AFF2: variants seen among roughly 807,000 people sequenced by gnomAD.
The protein encoded by AFF2 is AF4/FMR2 family member 2.
In AFF2, 14 loss-of-function variants were observed where a neutral mutation model predicts 76.9. The ratio of observed to expected loss-of-function variants is 0.18; its 90% CI spans 0.12 to 0.28. AFF2 has a LOEUF of 0.28. AFF2 is among the 10% of genes least tolerant of loss of function. The pLI, the probability that AFF2 is intolerant of heterozygous loss-of-function variation, is 1.00. For missense variants in AFF2, 868 were observed against 1,001.1 expected, an observed-to-expected ratio of 0.87 and a Z score of 1.79; for synonymous variants, 398 against 366.7, an observed-to-expected ratio of 1.09 and a Z score of -0.98.
intron 9 of AFF2, among the ~76,000 whole-genome samples, chrX:148,906,304 C>A (rs782390276): frequency 8.9e-6 from 1 of 112,128 alleles, no homozygotes; most frequent in Admixed American, 9.4e-5. Flanking sequence ...CACAACCCTA[C>A]TATGCCCCCA....
At chrX:148,598,894 A>T (rs1376858744) in intron 1 of AFF2, among the ~76,000 whole-genome samples, 1 of 112,809 alleles carries the variant, frequency 8.9e-6, no homozygotes, top group Non-Finnish European at 1.9e-5. Context: ...TGCCTAAAAC[A>T]ATCAGATTTA....
intron 1 of AFF2, among the ~76,000 whole-genome samples, chrX:148,618,067 T>A (rs2053831064): frequency 1.8e-5 from 2 of 111,785 alleles, no homozygotes; most frequent in Non-Finnish European, 3.8e-5. Flanking sequence ...TATGTATGAA[T>A]ATCTATAGTT....
chrX:148,532,580 A>T (rs1282935236), intron 1 of AFF2, among the ~76,000 whole-genome samples: 2 of 112,672 alleles, frequency 1.8e-5, no homozygotes, highest in Non-Finnish European at 3.8e-5. Flanking sequence ...AAACAGACAA[A>T]TAAGATAAAG....
intron 7 of AFF2, among the ~76,000 whole-genome samples, chrX:148,868,601 G>C (rs1044811144): frequency 6.3e-5 from 7 of 111,941 alleles, no homozygotes; most frequent in Non-Finnish European, 1.3e-4. Context: ...TTGGATAGGT[G>C]GTAATACAAT....
At chrX:148,808,184 T>C (rs2070161184) in intron 3 of AFF2, among the ~76,000 whole-genome samples, 2 of 111,924 alleles carry the variant, frequency 1.8e-5, no homozygotes, top group African/African-American at 6.5e-5. Flanking sequence ...GTCCATGGGA[T>C]GGTCACCTTT....
chrX:148,574,253 C>T (rs2053261323), intron 1 of AFF2, among the ~76,000 whole-genome samples: 3 of 111,271 alleles, frequency 2.7e-5, no homozygotes, highest in African/African-American at 9.8e-5. Context: ...ATAGTCAATT[C>T]CCACCAATCC....
chrX:148,922,054 T>G (rs1180131486), intron 9 of AFF2, among the ~76,000 whole-genome samples: 1 of 112,253 alleles, frequency 8.9e-6, no homozygotes, highest in African/African-American at 3.2e-5. Context: ...AGCACAAAAT[T>G]AGAATTTTCA....
chrX:148,770,785 C>A (rs1456436443), intron 3 of AFF2, among the ~76,000 whole-genome samples: 1 of 111,883 alleles, frequency 8.9e-6, no homozygotes, highest in Non-Finnish European at 1.9e-5. Flanking sequence ...TTATTTGCAG[C>A]TTAATATGGT....
intron 4 of AFF2, among the ~76,000 whole-genome samples, chrX:148,830,252 C>T (rs73607904): frequency 0.033 from 3,669 of 112,113 alleles, 120 homozygotes; most frequent in African/African-American, 0.1. Context: ...CCTGTCCTTC[C>T]GAAGCCTGCC....
At chrX:148,767,112 C>A (rs782573493) in intron 3 of AFF2, among the ~76,000 whole-genome samples, 1 of 109,038 alleles carries the variant, frequency 9.2e-6, no homozygotes. Context: ...ACAGTTGTTG[C>A]CAGGATGAAT....
chrX:148,657,737 A>G (rs2054267842), intron 2 of AFF2, among the ~76,000 whole-genome samples: 1 of 112,376 alleles, frequency 8.9e-6, no homozygotes, highest in Admixed American at 9.4e-5. Context: ...AGAATCAACC[A>G]ATTATCTAGA....
intron 1 of AFF2, among the ~76,000 whole-genome samples, chrX:148,571,914 A>C (rs1392737067): frequency 2.7e-5 from 3 of 111,335 alleles, no homozygotes; most frequent in African/African-American, 9.8e-5. Context: ...AGCCTGAGGC[A>C]TTAGCAACTA....
chrX:148,737,591 G>T (rs782626756), intron 3 of AFF2, among the ~76,000 whole-genome samples: 13 of 111,297 alleles, frequency 1.2e-4, no homozygotes, highest in Non-Finnish European at 2.3e-4. Flanking sequence ...TCCCTTTACC[G>T]ATTTGGATGC....
intron 9 of AFF2, among the ~76,000 whole-genome samples, chrX:148,915,347 G>T (rs2071515645): frequency 8.9e-6 from 1 of 111,935 alleles, no homozygotes; most frequent in Non-Finnish European, 1.9e-5. Context: ...AGACAGAATT[G>T]TTCCCCTTGT....
intron 1 of AFF2, among the ~76,000 whole-genome samples, chrX:148,607,768 A>G (rs2053686622): frequency 8.9e-6 from 1 of 111,831 alleles, no homozygotes; most frequent in Non-Finnish European, 1.9e-5. Context: ...ATTTAATTAT[A>G]AGGAAAAAAA....
chrX:148,746,683 A>C (rs782682600), intron 3 of AFF2, among the ~76,000 whole-genome samples: 2 of 112,832 alleles, frequency 1.8e-5, no homozygotes, highest in African/African-American at 6.4e-5. Flanking sequence ...GTTTCCTGCA[A>C]CTTCCTATCC....
chrX:148,991,830 ATT>A lies in AFF2; in HGVS notation c.*501_*502del, dbSNP rs2072537296. 1 of 112,318 alleles carries A rather than the reference ATT, an allele frequency of 8.9e-6. No homozygotes were observed. Among genetic ancestry groups the A allele is most frequent in the Non-Finnish European group, 1.9e-5 (1 of 53,377 alleles). 9.3% of individuals were successfully genotyped at this position (112,318 alleles called of 1,213,427 possible). A position where few individuals can be genotyped will look rare whatever the true frequency, so the allele number is the denominator to read the frequency against. On this transcript the variant is annotated 3_prime_UTR_variant, in exon 21 of 21. Transcript: ENST00000370460. The stretch of plus-strand genomic sequence containing the variant: ...CCACAGATTCAATCTTCAGGTGAGA[ATT>A]TTCATTGTCAAAACCCACTGGTTAG...
At chrX:148,503,481 C>A (rs181751556) in intron 1 of AFF2, among the ~76,000 whole-genome samples, 1 of 111,990 alleles carries the variant, frequency 8.9e-6, no homozygotes, top group African/African-American at 3.2e-5. Context: ...GCAAAGTTAA[C>A]GATCTTATTT....
chrX:148,920,762 A>C (rs1331309445), intron 9 of AFF2, among the ~76,000 whole-genome samples: 1 of 110,946 alleles, frequency 9.0e-6, no homozygotes, highest in African/African-American at 3.3e-5. Context: ...GATGGGGGAC[A>C]TAGTTTATTG....
Sources: gnomAD v4.1 joint callset for allele counts (sites outside exome capture counted in the v4.1 genomes callset) on GRCh38, gnomAD v4.1.1 for gene constraint, MANE v1.5 for transcripts, NCBI Gene and HGNC (gene_info 2026-07-23, HGNC 2026-07-21) for gene names.